The following PEX5L variants were observed in gnomAD, a reference collection of about 807,000 sequenced individuals.
The protein encoded by PEX5L is peroxisomal biogenesis factor 5 like.
PEX5L carries 30 observed loss-of-function variants against 84.0 expected under a neutral mutation model. The ratio of observed to expected loss-of-function variants is 0.36; its 90% confidence interval spans 0.27 to 0.48. PEX5L has a LOEUF of 0.48. PEX5L is among the 20% of genes least tolerant of loss of function. PEX5L has a pLI of 0.99. For missense variants in PEX5L, 533 were observed against 754.6 expected (o/e 0.71, Z 3.44); for synonymous variants, 270 against 283.1 (o/e 0.95, Z 0.46).
rs1717315511 is a variant in PEX5L, at chr3:179,797,236, CTGG to C, written c.*4589_*4591del. The C allele has an allele frequency of 6.6e-6, 1 of 152,114 alleles. No homozygotes were observed. Among genetic ancestry groups the C allele is most frequent in the South Asian group, 2.1e-4 (1 of 4,830 alleles). 9.4% of individuals were successfully genotyped at this position (152,114 alleles called of 1,614,324 possible). On this transcript the variant is annotated 3_prime_UTR_variant, in exon 15 of 15. Coordinates refer to ENST00000467460, the MANE Select transcript of PEX5L (RefSeq NM_016559.3). Reference sequence around the variant, plus strand: ...GATTCTTCAGAGGATTAGTTTGGCACTGGTAACACTGTAGAAACCAGATGTGTG... The same window carrying C: ...GATTCTTCAGAGGATTAGTTTGGCACTAACACTGTAGAAACCAGATGTGTG...
chr3:179,797,737 T>C lies in PEX5L; in HGVS notation c.*4091A>G, dbSNP rs1188377025. The C allele has an allele frequency of 6.6e-6, 1 of 151,740 alleles. No homozygotes were observed. Among genetic ancestry groups the C allele is most frequent in the African/African-American group, 2.4e-5 (1 of 41,346 alleles). 9.4% of individuals were successfully genotyped at this position (151,740 alleles called of 1,614,324 possible). A position where few individuals can be genotyped will look rare whatever the true frequency, so the allele number is the denominator to read the frequency against. ...TGGATACGAAATGAATTTGAAATTA[T>C]TTTACAAGGTTGAAATCATAAGTGT... On this transcript the variant is annotated 3_prime_UTR_variant, in exon 15 of 15. Transcript: ENST00000467460.
intron 8 of PEX5L, among the ~76,000 whole-genome samples, chr3:179,828,663 A>G (rs907350995): frequency 6.1e-5 from 9 of 146,438 alleles, no homozygotes; most frequent in South Asian, 4.4e-4. Context: ...AACTATGTGT[A>G]TGTGTGTGTG....
At chr3:179,815,809 C>A in intron 10 of PEX5L, 52 bp downstream of exon 10, 1 of 1,597,490 alleles carries the variant, frequency 6.3e-7, no homozygotes, top group Admixed American at 1.7e-5. Flanking sequence ...TTATCTGTCC[C>A]TTGTTAGCAC....
At chr3:179,818,528 T>C (rs1045183135) in intron 9 of PEX5L, among the ~76,000 whole-genome samples, 1 of 152,174 alleles carries the variant, frequency 6.6e-6, no homozygotes, top group Admixed American at 6.5e-5. Flanking sequence ...TATAAAATAC[T>C]AGATTTTGTT....
chr3:179,859,273 A>ACTG, intron 7 of PEX5L, 116 bp from the exon 8 acceptor site: 1 of 744,164 alleles, frequency 1.3e-6, no homozygotes, highest in Non-Finnish European at 2.3e-6. Flanking sequence ...ATCATCTGTG[A>ACTG]CTGATGACAT....
At chr3:179,906,838 T>G (rs904209607) in intron 2 of PEX5L, among the ~76,000 whole-genome samples, 3 of 152,192 alleles carry the variant, frequency 2.0e-5, no homozygotes, top group African/African-American at 7.2e-5. Flanking sequence ...GTACCTTACT[T>G]GCACAAATGG....
chr3:179,940,053 T>C (rs1434879584), intron 2 of PEX5L, among the ~76,000 whole-genome samples: 3 of 152,188 alleles, frequency 2.0e-5, no homozygotes, highest in Non-Finnish European at 2.9e-5. Context: ...TAATTTATTT[T>C]TTTACCAGAA....
intron 8 of PEX5L, among the ~76,000 whole-genome samples, chr3:179,851,967 A>C (rs1226499828): frequency 6.6e-6 from 1 of 152,206 alleles, no homozygotes. Context: ...GGGAGTATTA[A>C]ATGGTGTTAG....
At chr3:179,871,420 T>C (rs1750352581) in intron 7 of PEX5L, among the ~76,000 whole-genome samples, 1 of 152,194 alleles carries the variant, frequency 6.6e-6, no homozygotes. Flanking sequence ...AGTTATACTT[T>C]TAAGGTGAAT....
chr3:179,883,041 G>A (rs1257649606), intron 4 of PEX5L, among the ~76,000 whole-genome samples: 8 of 152,168 alleles, frequency 5.3e-5, no homozygotes, highest in Admixed American at 2.0e-4. Flanking sequence ...GAGCCAGCCT[G>A]GGTGACAGAG....
At chr3:179,812,379 T>A (rs192113467) in intron 10 of PEX5L, among the ~76,000 whole-genome samples, 10 of 152,306 alleles carry the variant, frequency 6.6e-5, no homozygotes, top group African/African-American at 2.4e-4. Flanking sequence ...ATGTGTTCAT[T>A]CCTCTAAGGT....
rs79918513 is a variant in PEX5L, at chr3:179,937,666, G to T, written c.93+33928C>A. ...ATGTAGCCTCATGAGGTAGAAGTCA[G>T]GTCAGCTCTTTGGCTTGGGGAAAGC... On this transcript the variant is annotated intron_variant, in intron 2 of 14. Transcript: ENST00000467460. Among the ~76,000 whole-genome samples the T allele has an allele frequency of 3.0e-3, 453 of 152,272 alleles. 2 individuals carry two copies. Among genetic ancestry groups the T allele is most frequent in the African/African-American group, 0.011 (440 of 41,540 alleles).
At chr3:179,874,577 A>G (rs1006035611) in intron 6 of PEX5L, among the ~76,000 whole-genome samples, 154 bp from the exon 7 acceptor site, 2 of 152,150 alleles carry the variant, frequency 1.3e-5, no homozygotes, top group African/African-American at 4.8e-5. Context: ...ATGTATTTCT[A>G]TTATAATGGT....
intron 2 of PEX5L, among the ~76,000 whole-genome samples, chr3:179,926,811 T>C (rs1299859019): frequency 2.0e-5 from 3 of 152,224 alleles, no homozygotes; most frequent in Non-Finnish European, 4.4e-5. Context: ...AAATAAAATA[T>C]TGTTTAACCG....
chr3:179,904,799 C>T lies in PEX5L; in HGVS notation c.94-6553G>A, dbSNP rs143377395. Among the ~76,000 whole-genome samples the T allele has an allele frequency of 2.1e-3, 317 of 152,060 alleles. 2 individuals are homozygous for T. The highest frequency in any genetic ancestry group is 7.2e-3 in the African/African-American group (299 of 41,450). ...CACTGTGCCAAGTGGATAAATTGGC[C>T]CTTCTCCTTCTGAGTTGGGGTCGTC... On this transcript the variant is annotated intron_variant, in intron 2 of 14. Transcript: ENST00000467460.
At chr3:179,903,361 A>G (rs1762072444) in intron 2 of PEX5L, among the ~76,000 whole-genome samples, 1 of 151,978 alleles carries the variant, frequency 6.6e-6, no homozygotes. Flanking sequence ...AGCTGAGACT[A>G]CAGGTGTGTG....
At chr3:179,955,868 T>G (rs1780412661) in intron 2 of PEX5L, among the ~76,000 whole-genome samples, 1 of 152,158 alleles carries the variant, frequency 6.6e-6, no homozygotes, top group Non-Finnish European at 1.5e-5. Context: ...CATGCCATAC[T>G]TTACCCCCTC....
At chr3:179,946,786 AC>A (rs1354336978) in intron 2 of PEX5L, among the ~76,000 whole-genome samples, 8 of 152,220 alleles carry the variant, frequency 5.3e-5, no homozygotes, top group Non-Finnish European at 1.5e-5. Context: ...TAATAACAGC[AC>A]ACAGCTATAA....
chr3:179,923,568 A>T (rs758808849), intron 2 of PEX5L, among the ~76,000 whole-genome samples: 1 of 152,242 alleles, frequency 6.6e-6, no homozygotes, highest in South Asian at 2.1e-4. Context: ...CTGTGTTTCA[A>T]TAACCCCTTC....
Sources: allele counts gnomAD v4.1 joint callset (sites outside exome capture counted in the v4.1 genomes callset), GRCh38; gene constraint gnomAD v4.1.1; transcripts MANE v1.5; gene names NCBI Gene and HGNC (gene_info 2026-07-23, HGNC 2026-07-21).